NR1H3: variants seen among roughly 807,000 people sequenced by gnomAD.
NR1H3 encodes the protein nuclear receptor subfamily 1 group H member 3, also known as oxysterols receptor LXR-alpha.
NR1H3 carries 19 observed loss-of-function variants against 48.1 expected under a neutral mutation model. The observed-to-expected ratio is 0.40, with a 90% confidence interval of 0.28 to 0.58. The LOEUF (loss-of-function observed/expected upper bound fraction) is 0.58, where lower values mean the gene tolerates loss of function less well. Ranked by LOEUF, NR1H3 falls within the 20% of genes least tolerant of loss-of-function variation. The pLI, the probability that NR1H3 is intolerant of heterozygous loss-of-function variation, is 0.50. For missense variants in NR1H3, 486 were observed against 595.9 expected, an observed-to-expected ratio of 0.82 and a Z score of 1.92; for synonymous variants, 232 against 227.3, an observed-to-expected ratio of 1.02 and a Z score of -0.19.
chr11:47,268,172 G>A (rs1230909161), intron 8 of NR1H3, 89 bp from the exon 9 acceptor site: 1 of 1,300,566 alleles, frequency 7.7e-7, no homozygotes, highest in African/African-American at 1.5e-5. Flanking sequence ...GAGCTTGGCT[G>A]GAGCATGTCT....
Position 47,268,265 on chromosome 11 carries a change from G to T in NR1H3, c.1107G>T (p.Arg369=). The change falls in exon 9 of 10, where the codon CGG becomes CGT. Residue 369 remains arginine (R), a synonymous_variant. Transcript: ENST00000441012. ...AACTCTCTTGGTGACCTATAGACCG[G>T]CCCAACGTGCAGGACCAGCTCCAGG... is the stretch of plus-strand genomic sequence containing the variant. The part of the protein sequence containing the change: ...LIAISIFSAD[R]PNVQDQLQVE... 1.2e-6 allele frequency: 2 copies of T among 1,613,908 alleles called. No homozygotes were observed. The highest frequency in any genetic ancestry group is 1.7e-6 in the Non-Finnish European group (2 of 1,179,938).
At position 47,268,250 on chromosome 11, in the gene NR1H3, G is replaced by T. The variant is rs533205092; in HGVS notation, c.1103-11G>T. ...CCAGACCTGCTCCTCAACTCTCTTG[G>T]TGACCTATAGACCGGCCCAACGTGC... On this transcript the variant is annotated splice_polypyrimidine_tract_variant and intron_variant, in intron 8 of 9. Coordinates refer to ENST00000441012, the MANE Select transcript of NR1H3 (RefSeq NM_005693.4). 6.2e-7 allele frequency: 1 copy of T among 1,613,476 alleles called. No individual in the cohort carries two copies. Among genetic ancestry groups the T allele is most frequent in the Admixed American group, 1.7e-5 (1 of 59,994 alleles).
At chr11:47,263,968 A>G (rs187075948) in intron 7 of NR1H3, among the ~76,000 whole-genome samples, 139 of 152,322 alleles carry the variant, frequency 9.1e-4, no homozygotes, top group African/African-American at 3.1e-3. Context: ...AAACATGCCC[A>G]GAGAGGATGT....
chr11:47,261,672 C>T lies in NR1H3; in HGVS notation c.834C>T (p.Phe278=), dbSNP rs1182570154. ...ACTTTGCTAAACAGCTACCCGGCTT[C>T]CTGCAGCTCAGCCGGGAGGACCAGA... The part of the protein sequence containing the change: ...IVDFAKQLPG[F]LQLSREDQIA... The change falls in exon 6 of 10, where the codon TTC becomes TTT. Residue 278 remains phenylalanine, a synonymous_variant. Transcript: ENST00000441012. 14 of 1,614,206 alleles carry T rather than the reference C, an allele frequency of 8.7e-6. No individual in the cohort carries two copies. The highest frequency in any genetic ancestry group is 1.2e-5 in the Non-Finnish European group (14 of 1,180,056).
At chr11:47,266,337 G>T (rs1956464874) in intron 7 of NR1H3, among the ~76,000 whole-genome samples, 1 of 151,012 alleles carries the variant, frequency 6.6e-6, no homozygotes, top group Admixed American at 6.6e-5. Context: ...TGCTGAAAAA[G>T]GATTTTTTTT....
intron 7 of NR1H3, among the ~76,000 whole-genome samples, chr11:47,263,384 C>T (rs1401622727): frequency 6.6e-6 from 1 of 151,762 alleles, no homozygotes; most frequent in Non-Finnish European, 1.5e-5. Flanking sequence ...CCTGCCTCAG[C>T]CCCCAAGTAG....
At chr11:47,253,417 A>G (rs1954829541), upstream of NR1H3, among the ~76,000 whole-genome samples, 1 of 152,210 alleles carries the variant, frequency 6.6e-6, no homozygotes, top group South Asian at 2.1e-4. Context: ...TGCCTTCTGT[A>G]TCATCTCTGA....
intron 2 of NR1H3, 76 bp from the exon 3 acceptor site, chr11:47,259,715 T>C (rs958614325): frequency 1.3e-6 from 2 of 1,598,940 alleles, no homozygotes; most frequent in African/African-American, 1.3e-5. Context: ...AAGTTTGCAG[T>C]TTCCCAGCTA....
intron 7 of NR1H3, among the ~76,000 whole-genome samples, chr11:47,264,441 A>G (rs1484813572): frequency 1.3e-5 from 2 of 152,214 alleles, no homozygotes; most frequent in Admixed American, 6.5e-5. Flanking sequence ...TGCCTTCTAT[A>G]GTAACCGGTG....
chr11:47,250,856 A>C (rs1431781827), intron 1 of NR1H3, among the ~76,000 whole-genome samples: 1 of 152,214 alleles, frequency 6.6e-6, no homozygotes, highest in East Asian at 1.9e-4. Context: ...GCACAGTTTG[A>C]GAATGGATTA....
Position 47,261,941 on chromosome 11 carries a change from G to C in NR1H3, c.911G>C (p.Arg304Pro). The C allele has an allele frequency of 6.2e-7, 1 of 1,614,144 alleles. No homozygotes were observed. Among genetic ancestry groups the C allele is most frequent in the East Asian group, 2.2e-5 (1 of 44,886 alleles). Residue 304 changes from arginine to proline, a missense_variant, in exon 7 of 10, where the codon CGG becomes CCG. Transcript: ENST00000441012. ...AIEVMLLETS[R>P]RYNPGSESIT... ...CAGGTGATGCTTCTGGAGACATCTCGGAGGTACAACCCTGGGAGTGAGAGT... is the reference window on the plus strand; with the variant it reads ...CAGGTGATGCTTCTGGAGACATCTCCGAGGTACAACCCTGGGAGTGAGAGT...
rs527269091 is a variant in NR1H3 at position 47,266,882 on chromosome 11, C to T, written c.989-1031C>T. Reference sequence around the variant, plus strand: ...TCTCAAACTCCTGAACTCAGGTGATCCCCCTGCCTCGGCCTCCCAAAATAC... The same window carrying T: ...TCTCAAACTCCTGAACTCAGGTGATTCCCCTGCCTCGGCCTCCCAAAATAC... On this transcript the variant is annotated intron_variant, in intron 7 of 9. Transcript: ENST00000441012. Among the ~76,000 whole-genome samples the T allele has an allele frequency of 5.3e-5, 8 of 151,972 alleles. No homozygotes were observed. The South Asian group carries it at 1.5e-3, about 28-fold the overall frequency.
intron 7 of NR1H3, among the ~76,000 whole-genome samples, chr11:47,266,108 C>T (rs1233615754): frequency 2.6e-5 from 4 of 152,090 alleles, no homozygotes; most frequent in East Asian, 3.9e-4. Flanking sequence ...AATATTCCCT[C>T]GAGGATGTGA....
intron 7 of NR1H3, 61 bp from the exon 8 acceptor site, chr11:47,267,849 TGAG>T: frequency 9.7e-6 from 11 of 1,137,386 alleles, no homozygotes; most frequent in Non-Finnish European, 1.3e-5. Flanking sequence ...TTCCCTAAGG[TGAG>T]GAGAGAAGAA....
upstream of NR1H3, among the ~76,000 whole-genome samples, chr11:47,254,209 G>A (rs1591068173): frequency 6.6e-6 from 1 of 152,156 alleles, no homozygotes; most frequent in Non-Finnish European, 1.5e-5. Flanking sequence ...AGCCACCTGT[G>A]GGGAGACTAG....
chr11:47,251,337 G>A (rs762403248), intron 1 of NR1H3, among the ~76,000 whole-genome samples: 4 of 151,588 alleles, frequency 2.6e-5, no homozygotes, highest in Admixed American at 6.6e-5. Context: ...GACCTAGGCC[G>A]GACATGGCTC....
Position 47,261,938 on chromosome 11 carries a change from C to A in NR1H3, c.908C>A (p.Ser303Tyr). ...GTGCAGGTGATGCTTCTGGAGACAT[C>A]TCGGAGGTACAACCCTGGGAGTGAG... ...SAIEVMLLET[S>Y]RRYNPGSESI... The change falls in exon 7 of 10, where the codon TCT (serine) becomes TAT (tyrosine). Residue 303 changes from serine (S) to tyrosine (Y), a missense_variant. Ser to Tyr is a moderately radical substitution (Grantham distance 144). Coordinates refer to ENST00000441012, the MANE Select transcript of NR1H3 (RefSeq NM_005693.4). 2 of 1,614,106 alleles carry A rather than the reference C, an allele frequency of 1.2e-6. No individual in the cohort carries two copies. The highest frequency in any genetic ancestry group is 1.7e-6 in the Non-Finnish European group (2 of 1,179,980).
intron 4 of NR1H3, 110 bp from the exon 5 acceptor site, chr11:47,261,131 G>A (rs1002079479): frequency 2.5e-6 from 2 of 785,992 alleles, no homozygotes; most frequent in Non-Finnish European, 4.1e-6. Context: ...TGCTTTTCTG[G>A]AGCCCCAAAC....
chr11:47,263,389 A>AAG (rs1179737245), intron 7 of NR1H3, among the ~76,000 whole-genome samples: 1 of 150,768 alleles, frequency 6.6e-6, no homozygotes, highest in Non-Finnish European at 1.5e-5. Context: ...CTCAGCCCCC[A>AAG]AGTAGGTGGG....
Sources: allele counts gnomAD v4.1 joint callset (sites outside exome capture counted in the v4.1 genomes callset), GRCh38; gene constraint gnomAD v4.1.1; transcripts MANE v1.5; gene names NCBI Gene and HGNC (gene_info 2026-07-23, HGNC 2026-07-21).